Variants in LPO observed in about 807,000 individuals in gnomAD.
LPO encodes lactoperoxidase, also known as salivary peroxidase.
In LPO, 70 loss-of-function variants were observed where a neutral mutation model predicts 68.4. The ratio of observed to expected loss-of-function variants is 1.02; its 90% CI spans 0.84 to 1.25. The LOEUF (loss-of-function observed/expected upper bound fraction) is 1.25, where lower values mean the gene tolerates loss of function less well. Ranked by LOEUF, LPO falls within the 50% of genes most tolerant of loss-of-function variation. The pLI, the probability that LPO is intolerant of heterozygous loss-of-function variation, is 0.00. For missense variants in LPO, 873 were observed against 908.4 expected, an observed-to-expected ratio of 0.96 and a Z score of 0.50; for synonymous variants, 360 against 357.6, an observed-to-expected ratio of 1.01 and a Z score of -0.08.
chr17:58,253,460 A>T (rs1970002522), intron 8 of LPO, among the ~76,000 whole-genome samples: 1 of 152,244 alleles, frequency 6.6e-6, no homozygotes, highest in Admixed American at 6.5e-5. Context: ...CAGAAGAGGA[A>T]GTTCTAGATG....
chr17:58,258,836 C>G (rs1296462784), intron 9 of LPO, among the ~76,000 whole-genome samples: 1 of 152,200 alleles, frequency 6.6e-6, no homozygotes, highest in Non-Finnish European at 1.5e-5. Context: ...TGTTGAACAT[C>G]TTTTCCTGTG....
intron 9 of LPO, among the ~76,000 whole-genome samples, chr17:58,259,434 C>T (rs368267513): frequency 2.1e-4 from 32 of 152,298 alleles, no homozygotes; most frequent in African/African-American, 7.5e-4. Context: ...GTTGTCTATT[C>T]TCTTCCATTG....
rs761233980 is a variant in LPO at position 58,249,566 on chromosome 17, G to A, written c.444G>A (p.Arg148=). 13 of 1,603,936 alleles carry A rather than the reference G, an allele frequency of 8.1e-6. No homozygotes were observed. Among genetic ancestry groups the A allele is most frequent in the African/African-American group, 2.7e-5 (2 of 74,814 alleles). The part of the protein sequence containing the change: ...YRTITGDCNN[R]RKPALGAANR... Reference sequence around the variant, plus strand: ...TCAGCGAGGATCGTGCTGGTTTCAGGAGGAAGCCTGCGCTGGGCGCCGCCA... The same window carrying A: ...TCAGCGAGGATCGTGCTGGTTTCAGAAGGAAGCCTGCGCTGGGCGCCGCCA... The change falls in exon 6 of 13, where the codon AGG becomes AGA. Residue 148 remains arginine (R), a splice_region_variant and synonymous_variant. Transcript: ENST00000262290.
Position 58,247,491 on chromosome 17 carries a change from A to T in LPO, c.178A>T (p.Met60Leu). 6.2e-7 allele frequency: 1 copy of T among 1,601,320 alleles called. No individual in the cohort carries two copies. The highest frequency in any genetic ancestry group is 1.1e-5 in the South Asian group (1 of 90,864). ...CCTCCACTGTAGGCTGAAGACCGCC[A>T]TGAGCTCTGAGACTCCCACCAGCCG... ...LDSRTRLKTA[M>L]SSETPTSRQL... Residue 60 changes from methionine (M) to leucine (L), a missense_variant, in exon 4 of 13, where the codon ATG becomes TTG. Transcript: ENST00000262290.
At chr17:58,261,230 G>C (rs1219135278) in intron 9 of LPO, among the ~76,000 whole-genome samples, 1 of 152,156 alleles carries the variant, frequency 6.6e-6, no homozygotes, top group Non-Finnish European at 1.5e-5. Flanking sequence ...GAAATCCCTA[G>C]CTATAAATGA....
chr17:58,259,028 G>T (rs1266118443), intron 9 of LPO, among the ~76,000 whole-genome samples: 2 of 109,188 alleles, frequency 1.8e-5, no homozygotes, highest in African/African-American at 1.2e-4. Flanking sequence ...ATTTGGTGGG[G>T]GTTTTTTTTT....
At chr17:58,250,029 A>G (rs1019367806) in intron 6 of LPO, among the ~76,000 whole-genome samples, 5 of 152,020 alleles carry the variant, frequency 3.3e-5, no homozygotes, top group African/African-American at 1.2e-4. Flanking sequence ...TGTTGGCCTT[A>G]TCGAGCTGGC....
At chr17:58,261,808 C>A (rs8178378) in intron 9 of LPO, among the ~76,000 whole-genome samples, 5,991 of 151,858 alleles carry the variant, frequency 0.039, 396 homozygotes, top group African/African-American at 0.14. Flanking sequence ...GGTTGTTCTC[C>A]GGATAGATAG....
chr17:58,251,740 G>T, intron 7 of LPO: 1 of 398,388 alleles, frequency 2.5e-6, no homozygotes, highest in Non-Finnish European at 5.0e-6. Context: ...CTATAAAATG[G>T]AACTGAATTG....
intron 2 of LPO, 48 bp from the exon 3 acceptor site, chr17:58,243,946 G>A: frequency 1.6e-6 from 2 of 1,224,616 alleles, no homozygotes; most frequent in Non-Finnish European, 1.2e-6. Flanking sequence ...ACATCGCAAA[G>A]GAGTGGTGTC....
chr17:58,255,873 CTG>C (rs1187436622), intron 9 of LPO, among the ~76,000 whole-genome samples: 1 of 152,242 alleles, frequency 6.6e-6, no homozygotes, highest in East Asian at 1.9e-4. Context: ...ATGCAATCAA[CTG>C]TGTGTGTGTA....
At chr17:58,242,653 A>G (rs1402785406) in intron 1 of LPO, among the ~76,000 whole-genome samples, 1 of 152,202 alleles carries the variant, frequency 6.6e-6, no homozygotes, top group Non-Finnish European at 1.5e-5. Flanking sequence ...CTCCTCCCAT[A>G]GCAAGCCAGG....
chr17:58,248,771 G>T (rs1969898691), intron 4 of LPO, among the ~76,000 whole-genome samples: 1 of 152,078 alleles, frequency 6.6e-6, no homozygotes, highest in African/African-American at 2.4e-5. Flanking sequence ...ATCTGGACCT[G>T]GTATACCAGG....
At position 58,249,460 on chromosome 17, in the gene LPO, T is replaced by A. The variant is rs1006739222; in HGVS notation, c.444-106T>A. On this transcript the variant is annotated intron_variant, in intron 5 of 12. Coordinates refer to ENST00000262290, the MANE Select transcript of LPO (RefSeq NM_006151.3). ...CCCAAATTTGAGAGGCCCCCTTCTC[T>A]GCGTCCCCTCCGCCTCGAGCAGAGG... The A allele has an allele frequency of 3.1e-5, 45 of 1,469,810 alleles. No individual in the cohort carries two copies. The African/African-American group carries it at 4.7e-4, about 15-fold the overall frequency. 91.0% of individuals were successfully genotyped at this position (1,469,810 alleles called of 1,614,324 possible).
At position 58,268,026 on chromosome 17, in the gene LPO, G is replaced by A. The variant is rs751191415; in HGVS notation, c.*32G>A. 5 of 1,607,574 alleles carry A rather than the reference G, an allele frequency of 3.1e-6. No individual in the cohort carries two copies. The highest frequency in any genetic ancestry group is 2.7e-5 in the African/African-American group (2 of 74,710). On this transcript the variant is annotated 3_prime_UTR_variant, in exon 13 of 13. Transcript: ENST00000262290. ...GCGCTGCACAGGAAAGTTCCCTTTG[G>A]TCCACAGGGCCATTTCAAGCAAGTT...
intron 2 of LPO, 200 bp downstream of exon 2, chr17:58,243,255 T>C: frequency 1.8e-6 from 1 of 558,868 alleles, no homozygotes; most frequent in South Asian, 2.1e-5. Flanking sequence ...GTGGCCCTGG[T>C]ATCCTTGGTG....
intron 9 of LPO, among the ~76,000 whole-genome samples, 176 bp downstream of exon 9, chr17:58,255,147 T>A (rs2301869): frequency 0.16 from 24,775 of 152,156 alleles, 2,167 homozygotes; most frequent in African/African-American, 0.25. Context: ...TTCCTTTCAT[T>A]TCTTCAGCTT....
intron 4 of LPO, 119 bp downstream of exon 4, chr17:58,247,757 G>T: frequency 8.7e-7 from 1 of 1,148,696 alleles, no homozygotes; most frequent in Non-Finnish European, 1.2e-6. Context: ...GAACACTCCT[G>T]TCTCTCCCTT....
At chr17:58,243,096 C>T in intron 2 of LPO, 41 bp downstream of exon 2, 1 of 1,566,158 alleles carries the variant, frequency 6.4e-7, no homozygotes. Flanking sequence ...GCTGCTGTCA[C>T]AAAGCACACC....
Sources: allele counts gnomAD v4.1 joint callset (sites outside exome capture counted in the v4.1 genomes callset), GRCh38; gene constraint gnomAD v4.1.1; transcripts MANE v1.5; gene names NCBI Gene and HGNC (gene_info 2026-07-23, HGNC 2026-07-21).